EML4: variants seen among roughly 807,000 people sequenced by gnomAD.
EML4 encodes the protein echinoderm microtubule-associated protein-like 4.
A neutral mutation model predicts 129.0 loss-of-function variants in EML4; 72 were observed. That is an observed-to-expected ratio of 0.56 (90% CI 0.46 to 0.68). The LOEUF is 0.68. Among genes scored for constraint, EML4 ranks in the 30% least tolerant of loss-of-function variants. The pLI, the probability that EML4 is intolerant of heterozygous loss-of-function variation, is 0.00. For missense variants in EML4, 1,363 were observed against 1,190.6 expected, an observed-to-expected ratio of 1.14 and a Z score of -2.13; for synonymous variants, 532 against 405.0, an observed-to-expected ratio of 1.31 and a Z score of -3.77.
intron 1 of EML4, among the ~76,000 whole-genome samples, chr2:42,240,777 C>G (rs531931867): frequency 2.6e-5 from 4 of 152,276 alleles, no homozygotes; most frequent in African/African-American, 9.6e-5. Flanking sequence ...CTAATCATCC[C>G]AAGCCTGATG....
rs745978386 is a variant in EML4, at chr2:42,256,484, T to A, written c.209-17T>A. 2 of 1,573,196 alleles carry A rather than the reference T, an allele frequency of 1.3e-6. No individual in the cohort carries two copies. Among genetic ancestry groups the A allele is most frequent in the Non-Finnish European group, 1.7e-6 (2 of 1,163,504 alleles). ...ATATTCAAATTTGATATAATTTTTT[T>A]CCTTAATTATCTTTAGGCCAACCAA... On this transcript the variant is annotated splice_polypyrimidine_tract_variant and intron_variant, in intron 2 of 22. Coordinates refer to ENST00000318522, the MANE Select transcript of EML4 (RefSeq NM_019063.5).
chr2:42,295,768 A>G (rs1667910814), intron 13 of EML4, among the ~76,000 whole-genome samples: 1 of 152,216 alleles, frequency 6.6e-6, no homozygotes, highest in African/African-American at 2.4e-5. Flanking sequence ...TTAGAAAGAA[A>G]TGATATGGAT....
chr2:42,182,208 G>A, intron 1 of EML4, among the ~76,000 whole-genome samples: 1 of 141,028 alleles, frequency 7.1e-6, no homozygotes, highest in East Asian at 2.1e-4. Flanking sequence ...TGCACATTGT[G>A]CAGGTTAGTT....
chr2:42,211,380 A>G (rs912281306), intron 1 of EML4, among the ~76,000 whole-genome samples: 1 of 152,212 alleles, frequency 6.6e-6, no homozygotes, highest in Non-Finnish European at 1.5e-5. Context: ...TCCTGAAGGT[A>G]GGTTATTGGG....
At chr2:42,281,877 C>T (rs1667031770) in intron 7 of EML4, among the ~76,000 whole-genome samples, 2 of 152,168 alleles carry the variant, frequency 1.3e-5, no homozygotes, top group South Asian at 2.1e-4. Flanking sequence ...CTCCATTCTC[C>T]TGCACTTCCT....
chr2:42,262,993 A>G (rs896531772), intron 4 of EML4, among the ~76,000 whole-genome samples, 185 bp from the exon 5 acceptor site: 4 of 152,164 alleles, frequency 2.6e-5, no homozygotes, highest in Admixed American at 6.5e-5. Flanking sequence ...GAAAATTATA[A>G]TACAGATTTG....
chr2:42,172,024 A>G (rs1057006398), intron 1 of EML4, among the ~76,000 whole-genome samples: 1 of 152,148 alleles, frequency 6.6e-6, no homozygotes, highest in African/African-American at 2.4e-5. Flanking sequence ...ATGAATATAA[A>G]GGCAAGCACT....
intron 1 of EML4, among the ~76,000 whole-genome samples, chr2:42,186,747 A>T (rs1234215902): frequency 2.0e-5 from 3 of 152,212 alleles, no homozygotes; most frequent in African/African-American, 7.2e-5. Flanking sequence ...TCTTGGTTTT[A>T]GTGAAAGAGT....
chr2:42,216,506 G>A (rs1328049166), intron 1 of EML4, among the ~76,000 whole-genome samples: 1 of 151,968 alleles, frequency 6.6e-6, no homozygotes, highest in Non-Finnish European at 1.5e-5. Context: ...TTCCCAAAGT[G>A]CTGGGATTAC....
At chr2:42,319,517 T>C (rs1188371139) in intron 19 of EML4, 1 of 152,204 alleles carries the variant, frequency 6.6e-6, no homozygotes, top group Non-Finnish European at 1.5e-5. Context: ...TGTCTTCGGT[T>C]TTGTGCTTTG....
chr2:42,274,560 A>G (rs1439314695), intron 6 of EML4, among the ~76,000 whole-genome samples: 1 of 152,084 alleles, frequency 6.6e-6, no homozygotes, highest in South Asian at 2.1e-4. Context: ...CTCTGCCTGA[A>G]TTTTTCCTTT....
chr2:42,283,010 C>G, intron 8 of EML4, 38 bp downstream of exon 8: 1 of 1,532,826 alleles, frequency 6.5e-7, no homozygotes, highest in South Asian at 1.3e-5. Flanking sequence ...TTTGTTCTTT[C>G]AGGCCCTCAT....
At chr2:42,306,484 CTTTT>C (rs375707062) in intron 17 of EML4, among the ~76,000 whole-genome samples, 95 of 74,582 alleles carry the variant, frequency 1.3e-3, no homozygotes, top group Non-Finnish European at 2.1e-3. Context: ...GTGCTAAATC[CTTTT>C]TTTTTTTTTT....
chr2:42,256,794 C>G, intron 3 of EML4, among the ~76,000 whole-genome samples, 164 bp downstream of exon 3: 1 of 152,230 alleles, frequency 6.6e-6, no homozygotes, highest in East Asian at 1.9e-4. Flanking sequence ...TGTGCTCACT[C>G]AGCTTGCACT....
At chr2:42,276,312 A>G (rs927252521) in intron 6 of EML4, among the ~76,000 whole-genome samples, 1 of 152,170 alleles carries the variant, frequency 6.6e-6, no homozygotes, top group South Asian at 2.1e-4. Flanking sequence ...AAGACCTAGT[A>G]CCACTAGGTC....
At chr2:42,224,932 G>A (rs557513218) in intron 1 of EML4, among the ~76,000 whole-genome samples, 4 of 151,964 alleles carry the variant, frequency 2.6e-5, no homozygotes, top group Admixed American at 6.6e-5. Flanking sequence ...TTCAGTCCCC[G>A]GTAACCTCTA....
chr2:42,169,861 C>G (rs1670158381), intron 1 of EML4: 1 of 442,796 alleles, frequency 2.3e-6, no homozygotes, highest in South Asian at 4.7e-5. Flanking sequence ...CTCCCGGAGC[C>G]CCTTTCAGTG....
intron 1 of EML4, among the ~76,000 whole-genome samples, chr2:42,212,905 T>A (rs12472373): frequency 0.33 from 50,314 of 152,010 alleles, 8,723 homozygotes; most frequent in East Asian, 0.56. Flanking sequence ...TGTATTCCAG[T>A]CCTGGCTGTG....
At chr2:42,264,105 T>TTTG (rs1558554108) in intron 5 of EML4, among the ~76,000 whole-genome samples, 3 of 21,124 alleles carry the variant, frequency 1.4e-4, no homozygotes, top group African/African-American at 9.0e-4. Context: ...CAATACGTGT[T>TTTG]TTTTTTTTTT....
Sources: gnomAD v4.1 joint callset for allele counts (sites outside exome capture counted in the v4.1 genomes callset) on GRCh38, gnomAD v4.1.1 for gene constraint, MANE v1.5 for transcripts, NCBI Gene and HGNC (gene_info 2026-07-23, HGNC 2026-07-21) for gene names.